The following VAV2 variants were observed in gnomAD, a reference collection of about 807,000 sequenced individuals.
VAV2 encodes the protein vav guanine nucleotide exchange factor 2, also known as guanine nucleotide exchange factor VAV2.
VAV2 carries 67 observed loss-of-function variants against 132.5 expected under a neutral mutation model. The observed-to-expected ratio is 0.51, with a 90% CI of 0.42 to 0.62. VAV2 has a LOEUF of 0.62. Among genes scored for constraint, VAV2 ranks in the 20% least tolerant of loss-of-function variants. The probability of loss-of-function intolerance (pLI) is 0.00; values close to 1 mark genes in which losing one functional copy is unlikely to be tolerated. For synonymous variants in VAV2, 492 were observed against 443.5 expected, an observed-to-expected ratio of 1.11 and a Z score of -1.37; for missense variants, 938 against 1,153.6, an observed-to-expected ratio of 0.81 and a Z score of 2.71.
intron 3 of VAV2, among the ~76,000 whole-genome samples, chr9:133,858,392 C>T (rs1837465800): frequency 6.6e-6 from 1 of 152,222 alleles, no homozygotes; most frequent in African/African-American, 2.4e-5. Flanking sequence ...CCGACTGTCA[C>T]ACACCATTGC....
At chr9:133,796,303 G>A (rs2131635631) in intron 11 of VAV2, 126 bp downstream of exon 11, 1 of 734,326 alleles carries the variant, frequency 1.4e-6, no homozygotes, top group Middle Eastern at 2.4e-4. Context: ...AGCTAAGCAT[G>A]AACTGACTTG....
chr9:133,822,541 C>G (rs1341224285), intron 4 of VAV2, among the ~76,000 whole-genome samples: 1 of 152,154 alleles, frequency 6.6e-6, no homozygotes, highest in Non-Finnish European at 1.5e-5. Flanking sequence ...TCTCACACGC[C>G]CTGGCAGACC....
chr9:133,804,042 T>C lies in VAV2; in HGVS notation c.836+2039A>G, dbSNP rs1835042353. On this transcript the variant is annotated intron_variant, in intron 9 of 29. Transcript: ENST00000371850. The surrounding 1 kb of genome is among the most constrained non-coding windows in gnomAD (Gnocchi z 4.5). ...CCCCCCGGAGCTTCTCTATCTTGTC[T>C]TGGTTCTCATCCATCCCACCCAGCG... Among the ~76,000 whole-genome samples, 1 of 152,126 alleles carries C rather than the reference T, an allele frequency of 6.6e-6. No individual in the cohort carries two copies. Among genetic ancestry groups the C allele is most frequent in the South Asian group, 2.1e-4 (1 of 4,824 alleles).
At chr9:133,808,098 G>A (rs545983452) in intron 7 of VAV2, among the ~76,000 whole-genome samples, 73 of 152,386 alleles carry the variant, frequency 4.8e-4, no homozygotes, top group African/African-American at 1.7e-3. Context: ...CCTGCTTTCT[G>A]CAGCAGCATT....
chr9:133,781,735 G>A (rs1834013412), intron 19 of VAV2, among the ~76,000 whole-genome samples: 1 of 152,204 alleles, frequency 6.6e-6, no homozygotes, highest in Admixed American at 6.5e-5. Flanking sequence ...ACTGTTAAGG[G>A]AAAAATGGCT....
In VAV2 at chr9:133,823,386, G is replaced by C. The variant is rs934283932; in HGVS notation, c.449+10886C>G. Among the ~76,000 whole-genome samples, 1 of 152,212 alleles carries C rather than the reference G, an allele frequency of 6.6e-6. No individual in the cohort carries two copies. Among genetic ancestry groups the C allele is most frequent in the African/African-American group, 2.4e-5 (1 of 41,454 alleles). ...GAAGGTGACCTGTGGGTTGGGTTTT[G>C]TAGAATGAATAGGAGTTGGGCAATC... On this transcript the variant is annotated intron_variant, in intron 4 of 29. Coordinates refer to ENST00000371850, the MANE Select transcript of VAV2 (RefSeq NM_001134398.2). This position sits in a 1 kb window ranked among gnomAD's most constrained non-coding sequence, Gnocchi z 5.5.
chr9:133,783,551 C>T lies in VAV2; in HGVS notation c.1675G>A (p.Val559Ile), dbSNP rs758789048. 9 of 1,614,022 alleles carry T rather than the reference C, an allele frequency of 5.6e-6. No homozygotes were observed. Among genetic ancestry groups the T allele is most frequent in the Middle Eastern group, 1.6e-4 (1 of 6,062 alleles). ...TCCAGGCACTCCTTGTGTGCCCCGA[C>T]GCCACACTTGGTACACATGTATCCC... ...YQGYMCTKCG[V>I]GAHKECLEVI... Residue 559 changes from valine (V) to isoleucine (I), a missense_variant, in exon 19 of 30, where the codon GTC (valine) becomes ATC (isoleucine). By Grantham distance (29) the Val-to-Ile change is conservative. Transcript: ENST00000371850.
At chr9:133,951,736 C>T (rs1158568785) in intron 1 of VAV2, among the ~76,000 whole-genome samples, 8 of 152,154 alleles carry the variant, frequency 5.3e-5, no homozygotes, top group South Asian at 2.1e-4. Context: ...TTAGGCTGCT[C>T]GGCTCTGCTG....
intron 1 of VAV2, among the ~76,000 whole-genome samples, chr9:133,971,667 G>A (rs577173140): frequency 1.3e-5 from 2 of 152,232 alleles, no homozygotes; most frequent in Non-Finnish European, 2.9e-5. Flanking sequence ...CAAGGCCAGC[G>A]TGGGAAGGAG....
chr9:133,862,732 G>A (rs762377055), intron 2 of VAV2, among the ~76,000 whole-genome samples: 7 of 152,230 alleles, frequency 4.6e-5, no homozygotes, highest in East Asian at 1.9e-4. Context: ...GGAACCCCAC[G>A]AGGCCATCCT....
At chr9:133,954,132 G>C (rs1841663274) in intron 1 of VAV2, among the ~76,000 whole-genome samples, 1 of 152,190 alleles carries the variant, frequency 6.6e-6, no homozygotes. Context: ...GTCTGCTGCT[G>C]GGGAATCACT....
intron 2 of VAV2, among the ~76,000 whole-genome samples, chr9:133,887,132 T>C (rs1227229226): frequency 6.6e-6 from 1 of 152,118 alleles, no homozygotes; most frequent in African/African-American, 2.4e-5. Flanking sequence ...CGCACCTCCT[T>C]TGGGGCAGGG....
intron 1 of VAV2, among the ~76,000 whole-genome samples, chr9:133,968,850 G>A (rs375476818): frequency 1.7e-4 from 26 of 152,178 alleles, no homozygotes; most frequent in African/African-American, 6.3e-4. Flanking sequence ...TCAGCGGCTC[G>A]CGACAGCACA....
rs969081732 is a variant in VAV2, at chr9:133,961,696, G to A, written c.205-22477C>T. ...TACTTCCCATTGCAAACCCCTAGCCGGTTTGCCTGCGAACTCCCAAGCCAG... is the reference window on the plus strand; with the variant it reads ...TACTTCCCATTGCAAACCCCTAGCCAGTTTGCCTGCGAACTCCCAAGCCAG... On this transcript the variant is annotated intron_variant, in intron 1 of 29. Transcript: ENST00000371850. This position sits in a 1 kb window ranked among gnomAD's most constrained non-coding sequence, Gnocchi z 4.1. 1.3e-5 allele frequency among the ~76,000 whole-genome samples: 2 copies of A among 152,146 alleles called. No individual in the cohort carries two copies. Among genetic ancestry groups the A allele is most frequent in the African/African-American group, 2.4e-5 (1 of 41,424 alleles).
chr9:133,940,158 C>A (rs1248172765), intron 1 of VAV2, among the ~76,000 whole-genome samples: 2 of 152,158 alleles, frequency 1.3e-5, no homozygotes, highest in Non-Finnish European at 2.9e-5. Context: ...TTATGCCAGG[C>A]CTGGTTTTCT....
intron 29 of VAV2, among the ~76,000 whole-genome samples, chr9:133,766,444 T>TA (rs1346373083): frequency 1.3e-5 from 2 of 152,008 alleles, no homozygotes; most frequent in East Asian, 3.9e-4. Context: ...TATGCAGCCA[T>TA]AAAAAATGAT....
intron 3 of VAV2, among the ~76,000 whole-genome samples, chr9:133,859,865 C>A (rs144104277): frequency 6.6e-6 from 1 of 152,186 alleles, no homozygotes; most frequent in East Asian, 1.9e-4. Flanking sequence ...ATGCACCTGG[C>A]GGAGGGACTG....
rs780721608 is a variant in VAV2, at chr9:133,865,118, C to T, written c.322-3686G>A. ...GATGGGTCCTTCCGCAAAAACACTT[C>T]GGCATTTTTACTTTACTGCACCAAG... On this transcript the variant is annotated intron_variant, in intron 2 of 29. Transcript: ENST00000371850. Among the ~76,000 whole-genome samples the T allele has an allele frequency of 9.9e-5, 15 of 152,194 alleles. 1 individual carries two copies. The South Asian group carries it at 1.9e-3, about 19-fold the overall frequency.
In VAV2 at chr9:133,939,216, GA is replaced by G. The variant is rs1337053045; in HGVS notation, c.207del (p.Leu70CysfsTer3). 1 of 1,613,842 alleles carries G rather than the reference GA, an allele frequency of 6.2e-7. No homozygotes were observed. Among genetic ancestry groups the G allele is most frequent in the Non-Finnish European group, 8.5e-7 (1 of 1,179,858 alleles). On this transcript the variant is annotated frameshift_variant and splice_region_variant, in exon 2 of 30. Transcript: ENST00000371850. LOFTEE classifies it high-confidence loss of function. ...DINFRPQMSQ[F>X]LCLKNIRTFL... is the part of the protein sequence containing the mutation. ...AAGGTGCGTATGTTCTTCAAACACA[GA>G]AACTAAAGGGAAAAAACAAAGGGAG... is the stretch of plus-strand genomic sequence containing the variant.
Sources: gnomAD v4.1 joint callset for allele counts (sites outside exome capture counted in the v4.1 genomes callset) on GRCh38, gnomAD v4.1.1 for gene constraint, Gnocchi (gnomAD v3.1) non-coding constraint, MANE v1.5 for transcripts, NCBI Gene and HGNC (gene_info 2026-07-23, HGNC 2026-07-21) for gene names.